RESF1: variants seen among roughly 807,000 people sequenced by gnomAD.
RESF1 encodes gonad expressed transcript.
In RESF1, 65 loss-of-function variants were observed where a neutral mutation model predicts 134.7. The observed-to-expected ratio is 0.48, with a 90% CI of 0.40 to 0.59. The LOEUF (loss-of-function observed/expected upper bound fraction) is 0.59, where lower values mean the gene tolerates loss of function less well. RESF1 is among the 20% of genes least tolerant of loss of function. RESF1 has a pLI of 0.00. For missense variants in RESF1, 2,274 were observed against 2,002.7 expected, an observed-to-expected ratio of 1.14 and a Z score of -2.59; for synonymous variants, 762 against 702.2, an observed-to-expected ratio of 1.09 and a Z score of -1.35.
chr12:31,971,036 G>A (rs1337916799), intron 3 of RESF1, among the ~76,000 whole-genome samples: 1 of 152,166 alleles, frequency 6.6e-6, no homozygotes, highest in Non-Finnish European at 1.5e-5. Flanking sequence ...GTGCATATAT[G>A]TTTGTAATTG....
intron 3 of RESF1, among the ~76,000 whole-genome samples, chr12:31,976,390 A>G (rs886446569): frequency 6.6e-6 from 1 of 152,232 alleles, no homozygotes; most frequent in Non-Finnish European, 1.5e-5. Context: ...CATGTATTAT[A>G]TGCTGTATTC....
chr12:31,971,589 T>C (rs955532902), intron 3 of RESF1, among the ~76,000 whole-genome samples: 1 of 152,370 alleles, frequency 6.6e-6, no homozygotes, highest in South Asian at 2.1e-4. Context: ...TCTCTGTCTT[T>C]TGGATTGTGA....
At chr12:31,980,834 C>A in intron 3 of RESF1, 44 bp from the exon 4 acceptor site, 1 of 731,118 alleles carries the variant, frequency 1.4e-6, no homozygotes, top group Non-Finnish European at 2.2e-6. Context: ...GATATTCTAT[C>A]TAGGCAAAAC....
intron 2 of RESF1, among the ~76,000 whole-genome samples, chr12:31,965,146 G>A (rs550976980): frequency 9.3e-4 from 142 of 152,140 alleles, no homozygotes; most frequent in African/African-American, 3.3e-3. Flanking sequence ...TGGTAGAGGC[G>A]AGGTTTCACC....
In RESF1 at chr12:31,984,371, C is replaced by A. The variant is rs1284322992; in HGVS notation, c.3416C>A (p.Pro1139His). 1 of 1,614,094 alleles carries A rather than the reference C, an allele frequency of 6.2e-7. No individual in the cohort carries two copies. Among genetic ancestry groups the A allele is most frequent in the Non-Finnish European group, 8.5e-7 (1 of 1,180,010 alleles). ...DKLAEPQKEE[P>H]ITEVVSQCDL... The stretch of plus-strand genomic sequence containing the variant: ...TTGGCAGAACCTCAGAAAGAAGAGC[C>A]CATCACAGAAGTAGTTAGCCAGTGT... Residue 1139 changes from proline (P) to histidine (H), a missense_variant, in exon 4 of 6, where the codon CCC becomes CAC. By Grantham distance (77) the Pro-to-His change is moderately conservative. Coordinates refer to ENST00000312561, the MANE Select transcript of RESF1 (RefSeq NM_018169.4).
In RESF1 at chr12:31,970,506, G is replaced by GT. The variant is rs1939482204; in HGVS notation, c.-79+155dup. ...CTTCCACTCTTATTGGTGAATTGTG[G>GT]TTTTTGCTTCTTGTATTTTGATGCT... is the stretch of plus-strand genomic sequence containing the variant. On this transcript the variant is annotated intron_variant, in intron 3 of 5. Transcript: ENST00000312561. The GT allele has an allele frequency of 2.0e-5, 3 of 152,284 alleles. No homozygotes were observed. In the South Asian group the frequency reaches 6.2e-4, roughly 32 times the overall value. The allele number at this position is 152,284 out of a possible 1,614,324, so 9.4% of individuals were successfully genotyped here. A position where few individuals can be genotyped will look rare whatever the true frequency, so the allele number is the denominator to read the frequency against.
Position 31,983,989 on chromosome 12 carries a change from T to G in RESF1, c.3034T>G (p.Ser1012Ala). The change falls in exon 4 of 6, where the codon TCG (serine) becomes GCG (alanine). Residue 1012 changes from serine to alanine, a missense_variant. Ser to Ala is a moderately conservative substitution (Grantham distance 99). Coordinates refer to ENST00000312561, the MANE Select transcript of RESF1 (RefSeq NM_018169.4). ...AAAAAGCACAGCTAACGATACGTGC[T>G]CGTCAGCTGCTATTCAGGAGGATAT... The part of the protein sequence containing the change: ...TEKSTANDTC[S>A]SAAIQEDIYP... The G allele has an allele frequency of 1.9e-6, 3 of 1,614,042 alleles. No homozygotes were observed. Among genetic ancestry groups the G allele is most frequent in the Non-Finnish European group, 2.5e-6 (3 of 1,179,982 alleles).
rs779949501 is a variant in RESF1, at chr12:31,992,499, G to A, written c.5208G>A (p.Lys1736=). 1.2e-6 allele frequency: 2 copies of A among 1,613,884 alleles called. No individual in the cohort carries two copies. The highest frequency in any genetic ancestry group is 1.7e-6 in the Non-Finnish European group (2 of 1,179,984). The change falls in exon 6 of 6, where the codon AAG becomes AAA. Residue 1736 remains lysine, a synonymous_variant. Transcript: ENST00000312561. The part of the protein sequence containing the change: ...FQTYKQMYLE[K]RSRSLGSSPV... ...CCTACAAACAGATGTACCTGGAGAA[G>A]AGAAGCAGAAGCCTTGGTAGCAGTC...
At position 31,992,427 on chromosome 12, in the gene RESF1, T is replaced by C; in HGVS notation, c.5136T>C (p.Phe1712=). 6.2e-7 allele frequency: 1 copy of C among 1,613,894 alleles called. No homozygotes were observed. Among genetic ancestry groups the C allele is most frequent in the Non-Finnish European group, 8.5e-7 (1 of 1,179,832 alleles). ...AGAGAAGCTTCAGTGCAGATGGATT[T>C]GAGATGCTACAAAACCCAGTAAAAG... ...LSKRSFSADG[F]EMLQNPVKDS... Residue 1712 remains phenylalanine, a synonymous_variant, in exon 6 of 6, where the codon TTT becomes TTC. Coordinates refer to ENST00000312561, the MANE Select transcript of RESF1 (RefSeq NM_018169.4).
Position 31,980,919 on chromosome 12 carries a change from C to T in RESF1, c.-37C>T. On this transcript the variant is annotated 5_prime_UTR_variant, in exon 4 of 6. Transcript: ENST00000312561. ...CAACTGACTTGTAACTGACTTATAA[C>T]TGACTTGTAATACACTGCTACTATA... The T allele has an allele frequency of 6.9e-7, 1 of 1,452,510 alleles. No homozygotes were observed. The highest frequency in any genetic ancestry group is 9.3e-7 in the Non-Finnish European group (1 of 1,070,758). 90.0% of individuals were successfully genotyped at this position (1,452,510 alleles called of 1,614,324 possible).
rs766677276 is a variant in RESF1 at position 31,984,660 on chromosome 12, AAAT to A, written c.3709_3711del (p.Asn1237del). ...CTGTTGTTCAATTTAAGAGCCTTGTAAATAATCCAAAGACTCCTCCAGATGGGA... is the reference window on the plus strand; with the variant it reads ...CTGTTGTTCAATTTAAGAGCCTTGTAAATCCAAAGACTCCTCCAGATGGGA... On this transcript the variant is annotated inframe_deletion, in exon 4 of 6. Transcript: ENST00000312561. The A allele has an allele frequency of 6.3e-7, 1 of 1,580,128 alleles. No individual in the cohort carries two copies. The highest frequency in any genetic ancestry group is 1.4e-5 in the African/African-American group (1 of 72,794).
intron 1 of RESF1, chr12:31,960,039 T>C (rs1356017805): frequency 6.6e-6 from 1 of 151,958 alleles, no homozygotes; most frequent in East Asian, 1.9e-4. Flanking sequence ...TGGAACAGAA[T>C]TGCTGTACTG....
Position 31,982,590 on chromosome 12 carries a change from A to C in RESF1, c.1635A>C (p.Ser545=), listed in dbSNP as rs1030642076. 6.2e-7 allele frequency: 1 copy of C among 1,614,012 alleles called. No individual in the cohort carries two copies. Among genetic ancestry groups the C allele is most frequent in the Admixed American group, 1.7e-5 (1 of 60,028 alleles). The change falls in exon 4 of 6, where the codon TCA becomes TCC. Residue 545 remains serine (S), a synonymous_variant. Coordinates refer to ENST00000312561, the MANE Select transcript of RESF1 (RefSeq NM_018169.4). ...CAGTATTGAATACTCAGCTTTCATC[A>C]GAAAATGTTACCAAAGTTGAGCAAA... ...TQAVLNTQLS[S]ENVTKVEQNS...
In RESF1 at chr12:31,984,070, AATG is replaced by A; in HGVS notation, c.3117_3119del (p.Asn1039_Glu1040delinsLys). ...CTATACTCCCCAAGATCCTGCAAGA[AATG>A]AAATCCACAGTGATAAGGCACCTGT... On this transcript the variant is annotated inframe_deletion, in exon 4 of 6. Transcript: ENST00000312561. 1.2e-6 allele frequency: 2 copies of A among 1,614,146 alleles called. No homozygotes were observed. Among genetic ancestry groups the A allele is most frequent in the Non-Finnish European group, 1.7e-6 (2 of 1,180,016 alleles).
chr12:31,968,599 C>T (rs1939447385), intron 2 of RESF1, among the ~76,000 whole-genome samples: 1 of 152,076 alleles, frequency 6.6e-6, no homozygotes, highest in Non-Finnish European at 1.5e-5. Context: ...CAGGCGCCCA[C>T]CACCATGCCC....
intron 2 of RESF1, among the ~76,000 whole-genome samples, chr12:31,969,744 T>A (rs1365653335): frequency 1.3e-5 from 2 of 152,102 alleles, no homozygotes; most frequent in African/African-American, 4.8e-5. Flanking sequence ...GTTCATCCAA[T>A]GCCTCAGCCC....
intron 3 of RESF1, among the ~76,000 whole-genome samples, chr12:31,979,907 G>A (rs986186343): frequency 4.0e-5 from 6 of 151,380 alleles, no homozygotes; most frequent in Non-Finnish European, 5.9e-5. Context: ...CTTTATGGAG[G>A]TCAGTGGTTA....
chr12:31,972,605 CAAA>C (rs71064904), intron 3 of RESF1, among the ~76,000 whole-genome samples: 4 of 109,160 alleles, frequency 3.7e-5, no homozygotes, highest in South Asian at 3.2e-4. Flanking sequence ...GACTCCGTCT[CAAA>C]AAAAAAAAAA....
At position 31,981,407 on chromosome 12, in the gene RESF1, C is replaced by T. The variant is rs1281732429; in HGVS notation, c.452C>T (p.Ala151Val). 1.9e-6 allele frequency: 3 copies of T among 1,614,058 alleles called. No individual in the cohort carries two copies. Among genetic ancestry groups the T allele is most frequent in the Non-Finnish European group, 2.5e-6 (3 of 1,179,944 alleles). Residue 151 changes from alanine to valine, a missense_variant, in exon 4 of 6, where the codon GCA becomes GTA. Physicochemically the swap from Ala to Val is moderately conservative, Grantham distance 64. Transcript: ENST00000312561. ...DFGANVPNMP[A>V]LQSQLITSDT... ...GGAGCTAACGTACCCAATATGCCGGCACTACAGAGTCAACTGATAACATCA... is the reference window on the plus strand; with the variant it reads ...GGAGCTAACGTACCCAATATGCCGGTACTACAGAGTCAACTGATAACATCA...
Sources: allele counts gnomAD v4.1 joint callset (sites outside exome capture counted in the v4.1 genomes callset), GRCh38; gene constraint gnomAD v4.1.1; transcripts MANE v1.5; gene names NCBI Gene and HGNC (gene_info 2026-07-23, HGNC 2026-07-21).